The following DSCAM variants were observed in gnomAD, a reference collection of about 807,000 sequenced individuals.
DSCAM encodes the protein DS cell adhesion molecule.
A neutral mutation model predicts 217.7 loss-of-function variants in DSCAM; 47 were observed. That is an observed-to-expected ratio of 0.22 (90% confidence interval 0.17 to 0.28). The LOEUF (loss-of-function observed/expected upper bound fraction) is 0.28, where lower values mean the gene tolerates loss of function less well. Ranked by LOEUF, DSCAM falls within the 10% of genes least tolerant of loss-of-function variation. DSCAM has a pLI of 1.00. For synonymous variants in DSCAM, 1,056 were observed against 1,015.3 expected (o/e 1.04, Z -0.76); for missense variants, 2,080 against 2,618.3 (o/e 0.79, Z 4.49).
chr21:40,719,932 A>G (rs1348757762), intron 1 of DSCAM, among the ~76,000 whole-genome samples: 1 of 152,168 alleles, frequency 6.6e-6, no homozygotes, highest in Non-Finnish European at 1.5e-5. Context: ...TTAAAAAATT[A>G]AAAGAGTTTA....
At chr21:40,550,082 A>G (rs766209233) in intron 3 of DSCAM, among the ~76,000 whole-genome samples, 3 of 152,182 alleles carry the variant, frequency 2.0e-5, no homozygotes, top group Non-Finnish European at 4.4e-5. Flanking sequence ...CCTATAGGAA[A>G]TGTCCGATAT....
Position 40,345,563 on chromosome 21 carries a change from ATAAT to A in DSCAM, c.1210+2103_1210+2106del, listed in dbSNP as rs577615539. ...GGTATTATGGTTTTATCCTGAACTT[ATAAT>A]TATTAAATTCCATTTTATAGCCTCA... On this transcript the variant is annotated intron_variant, in intron 6 of 32. Transcript: ENST00000400454. Among the ~76,000 whole-genome samples, 74 of 152,256 alleles carry A rather than the reference ATAAT, an allele frequency of 4.9e-4. No individual in the cohort carries two copies. The South Asian group carries it at 0.014, about 29-fold the overall frequency.
chr21:40,730,245 G>T (rs974952258), intron 1 of DSCAM, among the ~76,000 whole-genome samples: 2 of 152,172 alleles, frequency 1.3e-5, no homozygotes, highest in African/African-American at 4.8e-5. Flanking sequence ...ACTTCATTTG[G>T]AGAAATGTCC....
At chr21:40,831,067 A>G (rs2092008360) in intron 1 of DSCAM, among the ~76,000 whole-genome samples, 2 of 152,256 alleles carry the variant, frequency 1.3e-5, no homozygotes, top group South Asian at 4.1e-4. Context: ...CGCAGTGTGT[A>G]TCCTGCAGAG....
intron 32 of DSCAM, among the ~76,000 whole-genome samples, chr21:40,037,240 A>T (rs1409027033): frequency 1.3e-5 from 2 of 149,430 alleles, no homozygotes; most frequent in Non-Finnish European, 3.0e-5. Flanking sequence ...CTGTTTGCAG[A>T]TGACATGATT....
At chr21:40,362,172 T>C (rs997964054) in intron 4 of DSCAM, among the ~76,000 whole-genome samples, 2 of 152,162 alleles carry the variant, frequency 1.3e-5, no homozygotes, top group East Asian at 1.9e-4. Context: ...CAGTCTATCA[T>C]TGTTGGACAT....
At chr21:40,309,420 T>C (rs2074114421) in intron 9 of DSCAM, among the ~76,000 whole-genome samples, 1 of 152,154 alleles carries the variant, frequency 6.6e-6, no homozygotes, top group South Asian at 2.1e-4. Context: ...TGATTTTGCT[T>C]CTAGAGTGCC....
chr21:40,813,301 T>C (rs2091854480), intron 1 of DSCAM, among the ~76,000 whole-genome samples: 1 of 152,192 alleles, frequency 6.6e-6, no homozygotes, highest in African/African-American at 2.4e-5. Flanking sequence ...ACCACACATA[T>C]GTTGATTAAT....
In DSCAM at chr21:40,083,879, A is replaced by G. The variant is rs1601313787; in HGVS notation, c.4231+29T>C. On this transcript the variant is annotated intron_variant, in intron 24 of 32. Coordinates refer to ENST00000400454, the MANE Select transcript of DSCAM (RefSeq NM_001389.5). ...GGCATGTGGATCACACAACTAATCA[A>G]CTATTGTGGACAATCTATATCTTAT... The G allele has an allele frequency of 5.1e-6, 8 of 1,563,196 alleles. No homozygotes were observed. In the East Asian group the frequency reaches 1.8e-4, roughly 36 times the overall value.
intron 3 of DSCAM, among the ~76,000 whole-genome samples, chr21:40,565,327 ATCTGTGACTACGTAATAAACTC>A (rs551299079): frequency 1.2e-3 from 184 of 152,340 alleles, no homozygotes; most frequent in Admixed American, 3.5e-3. Context: ...CAGAGAAGCC[ATCTGTGACTACGTAATAAACTC>A]TCAGGGGTCA....
intron 14 of DSCAM, among the ~76,000 whole-genome samples, chr21:40,180,666 G>A (rs73904717): frequency 0.034 from 5,120 of 152,240 alleles, 291 homozygotes; most frequent in African/African-American, 0.12. Flanking sequence ...AGCCCCTGGA[G>A]GAAGTAGGCA....
chr21:40,555,114 A>T, intron 3 of DSCAM, among the ~76,000 whole-genome samples: 1 of 152,342 alleles, frequency 6.6e-6, no homozygotes, highest in East Asian at 1.9e-4. Context: ...GAATATTTTA[A>T]ATTCAATATT....
At chr21:40,216,009 T>C (rs1340641436) in intron 11 of DSCAM, among the ~76,000 whole-genome samples, 1 of 151,790 alleles carries the variant, frequency 6.6e-6, no homozygotes, top group Non-Finnish European at 1.5e-5. Context: ...GTTATAAACA[T>C]GCATTTCACG....
chr21:40,064,673 A>G (rs928682716), intron 27 of DSCAM, among the ~76,000 whole-genome samples: 15 of 152,132 alleles, frequency 9.9e-5, no homozygotes, highest in African/African-American at 3.6e-4. Context: ...TTTGCCATGA[A>G]TGGGCAGTGT....
At chr21:40,115,340 C>T (rs1476166832) in intron 20 of DSCAM, among the ~76,000 whole-genome samples, 1 of 152,134 alleles carries the variant, frequency 6.6e-6, no homozygotes, top group Non-Finnish European at 1.5e-5. Context: ...CGCAAGTTCT[C>T]ACTCATAGGT....
intron 1 of DSCAM, among the ~76,000 whole-genome samples, chr21:40,755,874 T>C (rs966323674): frequency 9.2e-5 from 14 of 152,258 alleles, no homozygotes; most frequent in African/African-American, 3.1e-4. Context: ...GCTGCTCCCC[T>C]GACTTCTCTA....
At chr21:40,572,088 GT>G (rs1568913520) in intron 3 of DSCAM, among the ~76,000 whole-genome samples, 59 of 7,598 alleles carry the variant, frequency 7.8e-3, no homozygotes, top group African/African-American at 0.03. Flanking sequence ...GTGTGTGGGT[GT>G]GTGTGTGTGT....
intron 8 of DSCAM, among the ~76,000 whole-genome samples, chr21:40,331,396 C>T (rs542194329): frequency 2.6e-5 from 4 of 152,258 alleles, no homozygotes; most frequent in East Asian, 3.9e-4. Flanking sequence ...CATCCCCGGC[C>T]GCTCACCTCG....
chr21:40,294,358 A>G (rs2073929739), intron 10 of DSCAM, among the ~76,000 whole-genome samples: 1 of 152,218 alleles, frequency 6.6e-6, no homozygotes, highest in South Asian at 2.1e-4. Flanking sequence ...TTAACAATCT[A>G]AGTATGCAAA....
Sources: gnomAD v4.1 joint callset for allele counts (sites outside exome capture counted in the v4.1 genomes callset) on GRCh38, gnomAD v4.1.1 for gene constraint, MANE v1.5 for transcripts, NCBI Gene and HGNC (gene_info 2026-07-23, HGNC 2026-07-21) for gene names.